The following KDM2B variants were observed in gnomAD, a reference collection of about 807,000 sequenced individuals.
KDM2B encodes lysine demethylase 2B.
KDM2B carries 26 observed loss-of-function variants against 150.0 expected under a neutral mutation model. The observed-to-expected ratio is 0.17, with a 90% confidence interval of 0.13 to 0.24. The LOEUF is 0.24. KDM2B is among the 10% of genes least tolerant of loss of function. The probability of loss-of-function intolerance (pLI) is 1.00; values close to 1 mark genes in which losing one functional copy is unlikely to be tolerated. For missense variants in KDM2B, 1,265 were observed against 1,816.9 expected (o/e 0.70, Z 5.52); for synonymous variants, 734 against 729.5 (o/e 1.01, Z -0.10).
intron 4 of KDM2B, among the ~76,000 whole-genome samples, chr12:121,557,086 G>T (rs956598958): frequency 6.6e-6 from 1 of 151,934 alleles, no homozygotes; most frequent in African/African-American, 2.4e-5. Flanking sequence ...GGCTACCCAC[G>T]TACCTCAAGG....
chr12:121,563,118 G>A (rs1307171053), intron 4 of KDM2B, among the ~76,000 whole-genome samples: 3 of 151,912 alleles, frequency 2.0e-5, no homozygotes, highest in Non-Finnish European at 4.4e-5. Context: ...GTGAGTTTGC[G>A]AGCAGCCTGG....
At chr12:121,438,997 C>G (rs1382478973) in intron 22 of KDM2B, among the ~76,000 whole-genome samples, 1 of 152,204 alleles carries the variant, frequency 6.6e-6, no homozygotes, top group Non-Finnish European at 1.5e-5. Flanking sequence ...ACTGGAGCCC[C>G]AAGTCCTTCA....
At chr12:121,502,362 C>T (rs1884645836) in intron 11 of KDM2B, among the ~76,000 whole-genome samples, 1 of 152,326 alleles carries the variant, frequency 6.6e-6, no homozygotes, top group Middle Eastern at 3.4e-3. Flanking sequence ...TGGCTCACAC[C>T]TGTAATCCCA....
At chr12:121,507,647 G>C (rs1028198061) in intron 11 of KDM2B, among the ~76,000 whole-genome samples, 1 of 152,154 alleles carries the variant, frequency 6.6e-6, no homozygotes, top group Non-Finnish European at 1.5e-5. Flanking sequence ...ATCCCTAGGA[G>C]GACATCTGTT....
intron 17 of KDM2B, 156 bp from the exon 18 acceptor site, chr12:121,443,186 G>T (rs1267112697): frequency 1.5e-6 from 1 of 686,148 alleles, no homozygotes; most frequent in Non-Finnish European, 2.5e-6. Context: ...ACCGACAGAC[G>T]GGCGAGCCCT....
chr12:121,494,556 G>C, intron 12 of KDM2B, 23 bp downstream of exon 12: 1 of 1,599,018 alleles, frequency 6.3e-7, no homozygotes, highest in East Asian at 2.2e-5. Context: ...GCGGCCGCCC[G>C]CTGCAGGCAG....
At chr12:121,419,558 A>G in the KDM2B span, among the ~76,000 whole-genome samples, 1 of 130,730 alleles carries the variant, frequency 7.6e-6, no homozygotes, top group East Asian at 2.2e-4. Flanking sequence ...TGGATGCTAC[A>G]GTATGGTGCC....
chr12:121,510,811 T>C (rs1308448773), intron 10 of KDM2B, among the ~76,000 whole-genome samples: 1 of 150,060 alleles, frequency 6.7e-6, no homozygotes, highest in African/African-American at 2.5e-5. Context: ...ATAATAATAA[T>C]AATAATAATA....
the KDM2B span, among the ~76,000 whole-genome samples, chr12:121,414,162 C>G: frequency 1.3e-5 from 2 of 152,118 alleles, no homozygotes; most frequent in Non-Finnish European, 2.9e-5. Flanking sequence ...ATTTTACATG[C>G]TATTATAAAA....
chr12:121,524,708 A>C, intron 8 of KDM2B: 1 of 454,446 alleles, frequency 2.2e-6, no homozygotes. Flanking sequence ...CAGCCCAGGA[A>C]GCATGAGAGC....
intron 11 of KDM2B, among the ~76,000 whole-genome samples, chr12:121,496,644 AAC>A (rs1883976339): frequency 6.6e-6 from 1 of 152,040 alleles, no homozygotes; most frequent in South Asian, 2.1e-4. Context: ...ACAAGTGCGT[AAC>A]ACCAAGCCCA....
intron 4 of KDM2B, among the ~76,000 whole-genome samples, chr12:121,562,242 G>T (rs1890393317): frequency 6.6e-6 from 1 of 151,594 alleles, no homozygotes; most frequent in Non-Finnish European, 1.5e-5. Context: ...CAGCTCTTTG[G>T]GAGGCCAAGG....
chr12:121,563,329 G>A (rs1199751696), intron 4 of KDM2B, among the ~76,000 whole-genome samples: 7 of 151,552 alleles, frequency 4.6e-5, no homozygotes, highest in East Asian at 1.9e-4. Context: ...AAAGAAGGCC[G>A]GGCTCGATGG....
chr12:121,581,009 G>GAC lies in KDM2B; in HGVS notation c.-100_-99dup. On this transcript the variant is annotated 5_prime_UTR_variant, in exon 1 of 23. Transcript: ENST00000377071. ...TAAACTCCCGGCACTCAAAGATGTG[G>GAC]ACACACACACGTACAGGAAATACAG... 57 of 1,487,770 alleles carry GAC rather than the reference G, an allele frequency of 3.8e-5. No homozygotes were observed. The highest frequency in any genetic ancestry group is 5.2e-5 in the Non-Finnish European group (57 of 1,105,216). 92.2% of individuals were successfully genotyped at this position (1,487,770 alleles called of 1,614,324 possible).
intron 4 of KDM2B, among the ~76,000 whole-genome samples, chr12:121,558,193 A>C (rs1322497910): frequency 6.6e-6 from 1 of 152,042 alleles, no homozygotes; most frequent in Admixed American, 6.6e-5. Context: ...CTAGGAGCTC[A>C]CTCTTTGTCG....
At chr12:121,524,660 TG>T in intron 8 of KDM2B, 1 of 450,994 alleles carries the variant, frequency 2.2e-6, no homozygotes. Context: ...ACAGCGTTTG[TG>T]GGCCCCATCC....
Position 121,442,596 on chromosome 12 carries a change from C to T in KDM2B, c.2845G>A (p.Glu949Lys), listed in dbSNP as rs1218636012. 1.6e-5 allele frequency: 25 copies of T among 1,601,796 alleles called. No homozygotes were observed. Among genetic ancestry groups the T allele is most frequent in the East Asian group, 2.2e-5 (1 of 44,860 alleles). Residue 949 changes from glutamate to lysine, a missense_variant, in exon 19 of 23, where the codon GAG (glutamate) becomes AAG (lysine). Glu to Lys is a moderately conservative substitution (Grantham distance 56, BLOSUM62 1). This residue lies in a region of KDM2B where 418 missense variants were observed against 402.4 expected (regional missense o/e 1.04). Transcript: ENST00000377071. The surrounding 1 kb of genome is among the most constrained non-coding windows in gnomAD (Gnocchi z 7.7). ...TCGTGGTTGAGCTCCTTGCTCAGCT[C>T]CCTGCTCAGCTCCTTGTTGGGAAGC... ...RRLPNKELSRELSKELNHEIQ... is the reference protein window; with the variant it reads ...RRLPNKELSRKLSKELNHEIQ...
Position 121,453,104 on chromosome 12 carries a change from CG to C in KDM2B, c.1959+15del. Reference sequence around the variant, plus strand: ...GGCCTGAATCGAGCGCAGGGCTGGGCGGGGGCCGCACTCACCGCGATGCACT... The same window carrying C: ...GGCCTGAATCGAGCGCAGGGCTGGGCGGGGCCGCACTCACCGCGATGCACT... On this transcript the variant is annotated intron_variant, in intron 13 of 22. Transcript: ENST00000377071. The surrounding 1 kb of genome is among the most constrained non-coding windows in gnomAD (Gnocchi z 6.4). 3 of 1,589,338 alleles carry C rather than the reference CG, an allele frequency of 1.9e-6. No homozygotes were observed. The highest frequency in any genetic ancestry group is 1.7e-5 in the Admixed American group (1 of 58,592).
Position 121,430,007 on chromosome 12 carries a change from G to C in KDM2B, c.*281C>G. The C allele has an allele frequency of 1.0e-6, 1 of 970,792 alleles. No homozygotes were observed. Among genetic ancestry groups the C allele is most frequent in the Admixed American group, 1.8e-5 (1 of 56,802 alleles). 60.1% of individuals were successfully genotyped at this position (970,792 alleles called of 1,614,324 possible). On this transcript the variant is annotated 3_prime_UTR_variant, in exon 23 of 23. Transcript: ENST00000377071. The surrounding 1 kb of genome is among the most constrained non-coding windows in gnomAD (Gnocchi z 4.4). ...CATGCTTCAGTATGAGAATTTCTCC[G>C]AAGTCCACCCTCCTCTCCGACAGGA...
Sources: allele counts gnomAD v4.1 joint callset (sites outside exome capture counted in the v4.1 genomes callset), GRCh38; gene constraint gnomAD v4.1.1; regional missense constraint gnomAD v4.1.1; non-coding constraint Gnocchi (gnomAD v3.1); transcripts MANE v1.5; gene names NCBI Gene and HGNC (gene_info 2026-07-23, HGNC 2026-07-21).